The following RYR1 variants were observed in gnomAD, a reference collection of about 807,000 sequenced individuals.
The protein encoded by RYR1 is ryanodine receptor 1, also known as central core disease of muscle.
RYR1 carries 342 observed loss-of-function variants against 583.5 expected under a neutral mutation model. The observed-to-expected ratio is 0.59, with a 90% CI of 0.54 to 0.64. The LOEUF (loss-of-function observed/expected upper bound fraction) is 0.64. RYR1 is among the 30% of genes least tolerant of loss of function. RYR1 has a pLI of 0.00. For synonymous variants in RYR1, 2,791 were observed against 2,822.5 expected, an observed-to-expected ratio of 0.99 and a Z score of 0.35; for missense variants, 6,032 against 6,917.2, an observed-to-expected ratio of 0.87 and a Z score of 4.54.
chr19:38,577,010 C>T (rs949928000), intron 97 of RYR1, among the ~76,000 whole-genome samples: 2 of 151,894 alleles, frequency 1.3e-5, no homozygotes, highest in African/African-American at 2.4e-5. Flanking sequence ...CTCAGCCTCC[C>T]GAGTAGCTGG....
chr19:38,523,616 CCTCT>C (rs1971322477), intron 69 of RYR1: 3 of 605,102 alleles, frequency 5.0e-6, no homozygotes, highest in Admixed American at 2.9e-5. Context: ...CTTCTCCAAG[CCTCT>C]CTCTCCTCCC....
chr19:38,535,863 T>C lies in RYR1; in HGVS notation c.11517-134T>C, dbSNP rs1158684120. On this transcript the variant is annotated intron_variant, in intron 81 of 105. Transcript: ENST00000359596. The stretch of plus-strand genomic sequence containing the variant: ...GCTTCTGCCAACTCTTCATTTCTGC[T>C]TCCTCTTGATTTCAGCGCATAGATG... 8 of 795,580 alleles carry C rather than the reference T, an allele frequency of 1.0e-5. No individual in the cohort carries two copies. The Admixed American group carries it at 1.6e-4, about 16-fold the overall frequency. The allele number at this position is 795,580 out of a possible 1,614,324, so 49.3% of individuals were successfully genotyped here. A position where few individuals can be genotyped will look rare whatever the true frequency, so the allele number is the denominator to read the frequency against.
At position 38,499,863 on chromosome 19, in the gene RYR1, C is replaced by G; in HGVS notation, c.7214+42C>G. The G allele has an allele frequency of 6.3e-7, 1 of 1,587,722 alleles. No homozygotes were observed. The highest frequency in any genetic ancestry group is 1.1e-5 in the South Asian group (1 of 90,582). Reference sequence around the variant, plus strand: ...CCTCCTCAATAGGGCAACCCGCCCTCCCTGGCCCCTGGCTGCCTCCCCAAC... The same window carrying G: ...CCTCCTCAATAGGGCAACCCGCCCTGCCTGGCCCCTGGCTGCCTCCCCAAC... On this transcript the variant is annotated intron_variant, in intron 44 of 105. Coordinates refer to ENST00000359596, the MANE Select transcript of RYR1 (RefSeq NM_000540.3). This position sits in a 1 kb window ranked among gnomAD's most constrained non-coding sequence, Gnocchi z 7.3.
At chr19:38,495,916 C>A (rs919432760) in intron 39 of RYR1, among the ~76,000 whole-genome samples, 4 of 152,180 alleles carry the variant, frequency 2.6e-5, no homozygotes, top group Non-Finnish European at 5.9e-5. Context: ...GTATGCGCCA[C>A]CACGCCTGGC....
intron 78 of RYR1, 37 bp downstream of exon 78, chr19:38,532,773 G>C (rs757126923): frequency 6.2e-7 from 1 of 1,601,998 alleles, no homozygotes; most frequent in South Asian, 1.1e-5. Context: ...GGAAGGGATG[G>C]GGGACCCTGA....
chr19:38,582,164 G>A (rs538163602), intron 101 of RYR1, among the ~76,000 whole-genome samples: 2 of 152,134 alleles, frequency 1.3e-5, no homozygotes, highest in Non-Finnish European at 2.9e-5. Flanking sequence ...TTGGGGGGCT[G>A]AGGGGGGCAG....
At chr19:38,498,644 G>A (rs1969955165) in intron 42 of RYR1, among the ~76,000 whole-genome samples, 1 of 152,146 alleles carries the variant, frequency 6.6e-6, no homozygotes, top group Non-Finnish European at 1.5e-5. Context: ...AACAAGGGGT[G>A]GATTATTCAT....
Position 38,565,459 on chromosome 19 carries a change from G to A in RYR1, c.13125G>A (p.Thr4375=). 6.7e-7 allele frequency: 1 copy of A among 1,501,590 alleles called. No homozygotes were observed. The highest frequency in any genetic ancestry group is 2.7e-5 in the East Asian group (1 of 36,500). The allele number at this position is 1,501,590 out of a possible 1,614,324, so 93.0% of individuals were successfully genotyped here. Residue 4375 remains threonine, a synonymous_variant, in exon 91 of 106, where the codon ACG becomes ACA. Transcript: ENST00000359596. The surrounding 1 kb of genome is among the most constrained non-coding windows in gnomAD (Gnocchi z 4.7). ...TGGTGGAGGGCGCCAAGAAGGTGAC[G>A]GTGACCGAGCTCCTGGCAGGCATGC... is the stretch of plus-strand genomic sequence containing the variant. ...GGLVEGAKKV[T]VTELLAGMPD...
intron 34 of RYR1, 92 bp downstream of exon 34, chr19:38,486,294 C>G: frequency 1.4e-6 from 2 of 1,463,448 alleles, no homozygotes; most frequent in African/African-American, 2.8e-5. Context: ...TCTATTTATG[C>G]ATCCAACCAC....
chr19:38,535,792 T>A lies in RYR1; in HGVS notation c.11517-205T>A, dbSNP rs535710453. The A allele has an allele frequency of 1.1e-5, 7 of 643,124 alleles. No individual in the cohort carries two copies. In the Admixed American group the frequency reaches 1.2e-4, roughly 11 times the overall value. 39.8% of individuals were successfully genotyped at this position (643,124 alleles called of 1,614,324 possible). ...AAATGGGTGGTTTCTGGTTCCTCAT[T>A]ATTTCAGCTTGCGCATGGTTCATCC... On this transcript the variant is annotated intron_variant, in intron 81 of 105. Coordinates refer to ENST00000359596, the MANE Select transcript of RYR1 (RefSeq NM_000540.3).
chr19:38,555,265 A>G (rs1972830553), intron 89 of RYR1, among the ~76,000 whole-genome samples: 1 of 152,096 alleles, frequency 6.6e-6, no homozygotes, highest in Non-Finnish European at 1.5e-5. Context: ...AGCCTGGGCA[A>G]CATGGCGAAA....
At chr19:38,556,918 A>C (rs1294206938) in intron 89 of RYR1, among the ~76,000 whole-genome samples, 1 of 152,140 alleles carries the variant, frequency 6.6e-6, no homozygotes, top group African/African-American at 2.4e-5. Context: ...TTTTTTAGCC[A>C]GAACCTTCCT....
At chr19:38,522,896 A>G (rs1017538079) in intron 67 of RYR1, 132 bp from the exon 68 acceptor site, 9 of 751,624 alleles carry the variant, frequency 1.2e-5, no homozygotes, top group Non-Finnish European at 1.8e-5. Context: ...GCATGGCCAG[A>G]TGACCCTAGA....
intron 101 of RYR1, among the ~76,000 whole-genome samples, chr19:38,584,283 C>G (rs1406997500): frequency 8.2e-6 from 1 of 122,068 alleles, no homozygotes; most frequent in Non-Finnish European, 1.7e-5. Flanking sequence ...TGGCCCTGAT[C>G]CCTACACCTG....
chr19:38,532,943 G>C (rs1302486543), intron 78 of RYR1, among the ~76,000 whole-genome samples: 1 of 152,088 alleles, frequency 6.6e-6, no homozygotes, highest in African/African-American at 2.4e-5. Context: ...AGAGGGGTCA[G>C]GGCTGGAATT....
At chr19:38,587,263 T>C (rs1157661109) in intron 105 of RYR1, 62 bp from the exon 106 acceptor site, 1 of 1,098,364 alleles carries the variant, frequency 9.1e-7, no homozygotes, top group Admixed American at 1.7e-5. Flanking sequence ...AAAATATATA[T>C]ATATATATGT....
chr19:38,496,774 C>A lies in RYR1; in HGVS notation c.6797-86C>A. 1 of 1,342,396 alleles carries A rather than the reference C, an allele frequency of 7.4e-7. No individual in the cohort carries two copies. Among genetic ancestry groups the A allele is most frequent in the Non-Finnish European group, 1.1e-6 (1 of 935,710 alleles). 83.2% of individuals were successfully genotyped at this position (1,342,396 alleles called of 1,614,324 possible). A position where few individuals can be genotyped will look rare whatever the true frequency, so the allele number is the denominator to read the frequency against. ...GACCAGAGGAGGCACCTGATCCAGG[C>A]TGGAAAAAGGGTGGTCAGGGAGGGC... On this transcript the variant is annotated intron_variant, in intron 41 of 105. Coordinates refer to ENST00000359596, the MANE Select transcript of RYR1 (RefSeq NM_000540.3). The surrounding 1 kb of genome is among the most constrained non-coding windows in gnomAD (Gnocchi z 4.8).
At position 38,565,066 on chromosome 19, in the gene RYR1, G is replaced by A; in HGVS notation, c.12732G>A (p.Met4244Ile). Residue 4244 changes from methionine to isoleucine, a missense_variant, in exon 91 of 106, where the codon ATG becomes ATA. Met to Ile is a conservative substitution (Grantham distance 10). Around this residue, in one of 11 missense-constraint regions of RYR1, gnomAD observed 753 missense variants for 759.6 expected, o/e 0.99. Coordinates refer to ENST00000359596, the MANE Select transcript of RYR1 (RefSeq NM_000540.3). The surrounding 1 kb of genome is among the most constrained non-coding windows in gnomAD (Gnocchi z 4.7). ...VSFCEDTIFE[M>I]QIAAQISEPE... is the part of the protein sequence containing the mutation. ...TCTGCGAGGACACCATCTTCGAGAT[G>A]CAGATCGCCGCGCAGATCTCGGAGC... The A allele has an allele frequency of 1.3e-6, 2 of 1,562,720 alleles. No individual in the cohort carries two copies. Among genetic ancestry groups the A allele is most frequent in the Non-Finnish European group, 1.7e-6 (2 of 1,155,208 alleles).
chr19:38,567,915 CT>C lies in RYR1; in HGVS notation c.13658del (p.Leu4553ArgfsTer95). The C allele has an allele frequency of 6.2e-7, 1 of 1,613,212 alleles. No homozygotes were observed. The highest frequency in any genetic ancestry group is 8.5e-7 in the Non-Finnish European group (1 of 1,179,914). On this transcript the variant is annotated frameshift_variant and splice_region_variant, in exon 93 of 106. Transcript: ENST00000359596. LOFTEE classifies it high-confidence loss of function. ...ACTGGAGGTGCAGAGGGTGAAGTTCCTGGTAAGGATCCAGCCAGGTCACCTG... is the reference window on the plus strand; with the variant it reads ...ACTGGAGGTGCAGAGGGTGAAGTTCCGGTAAGGATCCAGCCAGGTCACCTG... ...GELEVQRVKF[L>X]NYLSRNFYTL... is the part of the protein sequence containing the mutation.
Sources: allele counts gnomAD v4.1 joint callset (sites outside exome capture counted in the v4.1 genomes callset), GRCh38; gene constraint gnomAD v4.1.1; regional missense constraint gnomAD v4.1.1; non-coding constraint Gnocchi (gnomAD v3.1); transcripts MANE v1.5; gene names NCBI Gene and HGNC (gene_info 2026-07-23, HGNC 2026-07-21).